USP47: variants seen among roughly 807,000 people sequenced by gnomAD.
USP47 encodes the protein ubiquitin carboxyl-terminal hydrolase 47.
A neutral mutation model predicts 165.1 loss-of-function variants in USP47; 35 were observed. The observed-to-expected ratio is 0.21, with a 90% CI of 0.16 to 0.28. The LOEUF is 0.28. Among genes scored for constraint, USP47 ranks in the 10% least tolerant of loss-of-function variants. The pLI is 1.00. For missense variants in USP47, 1,277 were observed against 1,607.4 expected (o/e 0.79, Z 3.52); for synonymous variants, 531 against 544.5 (o/e 0.98, Z 0.35).
In USP47 at chr11:11,933,875, A is replaced by C; in HGVS notation, c.1809A>C (p.Glu603Asp). Residue 603 changes from glutamate (E) to aspartate (D), a missense_variant, in exon 16 of 28, where the codon GAA becomes GAC. Physicochemically the swap from Glu to Asp is conservative, Grantham distance 45. This residue lies in a region of USP47 where 909 missense variants were observed against 1,068.1 expected (regional missense o/e 0.85). Coordinates refer to ENST00000527733, the MANE Select transcript of USP47 (RefSeq NM_001282659.2). The part of the protein sequence containing the change: ...CLHPTKQVMM[E>D]NKLEVHKDKT... ...ATCCTACAAAACAAGTAATGATGGA[A>C]AATAAATTGGAGGTTCATAAGGATA... 1 of 1,610,230 alleles carries C rather than the reference A, an allele frequency of 6.2e-7. No individual in the cohort carries two copies. Among genetic ancestry groups the C allele is most frequent in the Non-Finnish European group, 8.5e-7 (1 of 1,177,464 alleles).
At chr11:11,892,175 C>G (rs1196682604) in intron 4 of USP47, 69 bp downstream of exon 4, 1 of 1,488,870 alleles carries the variant, frequency 6.7e-7, no homozygotes, top group African/African-American at 1.4e-5. Context: ...GATTTGAAGC[C>G]TAATCCTCTT....
At chr11:11,925,398 C>T (rs189207474) in intron 11 of USP47, among the ~76,000 whole-genome samples, 4 of 152,240 alleles carry the variant, frequency 2.6e-5, no homozygotes, top group Admixed American at 6.5e-5. Flanking sequence ...CCACCGCACC[C>T]GGCCTCCTTA....
chr11:11,901,011 G>GC (rs1452028499), intron 5 of USP47, among the ~76,000 whole-genome samples: 2 of 152,196 alleles, frequency 1.3e-5, no homozygotes, highest in Non-Finnish European at 2.9e-5. Context: ...AAAAAAGGGA[G>GC]CTGGGGATTG....
intron 22 of USP47, chr11:11,949,088 A>G (rs561894930): frequency 1.3e-5 from 2 of 152,572 alleles, no homozygotes; most frequent in Non-Finnish European, 2.9e-5. Flanking sequence ...TACAAGCACT[A>G]TTTCTTATTC....
chr11:11,907,149 A>G (rs571581630), intron 8 of USP47, among the ~76,000 whole-genome samples: 1 of 152,186 alleles, frequency 6.6e-6, no homozygotes, highest in South Asian at 2.1e-4. Flanking sequence ...TCTTAAGTAT[A>G]TTAATAGACA....
intron 1 of USP47, among the ~76,000 whole-genome samples, chr11:11,846,583 G>A (rs1848440235): frequency 6.6e-6 from 1 of 151,942 alleles, no homozygotes; most frequent in South Asian, 2.1e-4. Context: ...GGCATCTAAT[G>A]ATGATGATGA....
intron 1 of USP47, among the ~76,000 whole-genome samples, chr11:11,875,029 CTTA>C (rs1018150167): frequency 4.7e-5 from 6 of 128,280 alleles, no homozygotes; most frequent in Non-Finnish European, 8.2e-5. Context: ...AGAAAATTGA[CTTA>C]TTGTGTGTGT....
rs566173696 is a variant in USP47 at position 11,896,320 on chromosome 11, AAGGATGATAGT to A, written c.497-1274_497-1264del. On this transcript the variant is annotated intron_variant, in intron 4 of 27. Coordinates refer to ENST00000527733, the MANE Select transcript of USP47 (RefSeq NM_001282659.2). ...TACATGATTGATGTGTATGTACACA[AAGGATGATAGT>A]AGTATTCATTTACCTTGTAAGGCTC... Among the ~76,000 whole-genome samples the A allele has an allele frequency of 2.3e-3, 353 of 152,326 alleles. 1 individual carries two copies. Among genetic ancestry groups the A allele is most frequent in the Middle Eastern group, 6.8e-3 (2 of 294 alleles).
intron 1 of USP47, among the ~76,000 whole-genome samples, chr11:11,861,354 T>G (rs947590817): frequency 5.3e-5 from 8 of 152,124 alleles, no homozygotes; most frequent in African/African-American, 1.9e-4. Flanking sequence ...CCTTGGCCTC[T>G]GAAAGTGCTG....
intron 7 of USP47, 65 bp from the exon 8 acceptor site, chr11:11,905,334 G>T: frequency 8.0e-7 from 1 of 1,243,388 alleles, no homozygotes; most frequent in South Asian, 2.0e-5. Context: ...AAAAAGTGTA[G>T]AATGTTACAT....
chr11:11,893,100 T>G (rs1851645060), intron 4 of USP47, among the ~76,000 whole-genome samples: 1 of 152,188 alleles, frequency 6.6e-6, no homozygotes, highest in South Asian at 2.1e-4. Flanking sequence ...TTTTTAATTT[T>G]TTCACTTTAT....
At position 11,949,963 on chromosome 11, in the gene USP47, T is replaced by G. The variant is rs1169591675; in HGVS notation, c.3423T>G (p.Pro1141=). The G allele has an allele frequency of 6.2e-7, 1 of 1,612,890 alleles. No homozygotes were observed. Among genetic ancestry groups the G allele is most frequent in the Non-Finnish European group, 8.5e-7 (1 of 1,179,334 alleles). ...GGCAATCAAAAGAGGAATTAATTCC[T>G]CAGCTCAGGGAGCAATGTGGTTTAG... ...TVRQSKEELI[P]QLREQCGLEL... Residue 1141 remains proline, a synonymous_variant, in exon 23 of 28, where the codon CCT becomes CCG. Coordinates refer to ENST00000527733, the MANE Select transcript of USP47 (RefSeq NM_001282659.2).
intron 7 of USP47, 65 bp downstream of exon 7, chr11:11,903,407 T>C: frequency 6.8e-7 from 1 of 1,466,394 alleles, no homozygotes; most frequent in Non-Finnish European, 9.4e-7. Flanking sequence ...CCTAAATGAC[T>C]TTTATTCTGT....
chr11:11,892,195 A>G, intron 4 of USP47, 89 bp downstream of exon 4: 2 of 1,408,164 alleles, frequency 1.4e-6, no homozygotes, highest in African/African-American at 1.4e-5. Flanking sequence ...TATTTTATGG[A>G]TAAGAAAACT....
At chr11:11,859,712 A>C (rs560610006) in intron 1 of USP47, among the ~76,000 whole-genome samples, 1 of 152,210 alleles carries the variant, frequency 6.6e-6, no homozygotes, top group African/African-American at 2.4e-5. Context: ...ATGTATTTTA[A>C]GGGTAGTAAC....
chr11:11,920,502 TTTG>T lies in USP47; in HGVS notation c.1218+11_1218+13del, dbSNP rs1318306394. Reference sequence around the variant, plus strand: ...ATTGATGTTGAAGATGAGGTAAATATTTGTTATTTTAAAGTATTTTTCATTAAT... The same window carrying T: ...ATTGATGTTGAAGATGAGGTAAATATTTATTTTAAAGTATTTTTCATTAAT... On this transcript the variant is annotated intron_variant, in intron 10 of 27. Coordinates refer to ENST00000527733, the MANE Select transcript of USP47 (RefSeq NM_001282659.2). 6.3e-7 allele frequency: 1 copy of T among 1,592,392 alleles called. No homozygotes were observed. Among genetic ancestry groups the T allele is most frequent in the South Asian group, 1.2e-5 (1 of 86,548 alleles).
chr11:11,842,039 T>C lies in USP47; in HGVS notation c.-147T>C, dbSNP rs1590206180. On this transcript the variant is annotated 5_prime_UTR_variant, in exon 1 of 28. Transcript: ENST00000527733. ...CTGGGTCGGTGTCTGCGCGCTGGTG[T>C]CTGAGGCCCAGGCTGAGGCCTCCGC... 2.0e-6 allele frequency: 2 copies of C among 977,754 alleles called. No homozygotes were observed. Among genetic ancestry groups the C allele is most frequent in the East Asian group, 5.7e-5 (2 of 35,212 alleles). The allele number at this position is 977,754 out of a possible 1,614,324, so 60.6% of individuals were successfully genotyped here.
At chr11:11,892,711 G>T (rs1851609882) in intron 4 of USP47, among the ~76,000 whole-genome samples, 1 of 151,228 alleles carries the variant, frequency 6.6e-6, no homozygotes, top group Non-Finnish European at 1.5e-5. Context: ...AGCTCCTCAG[G>T]AGGCTTAGGT....
chr11:11,880,175 A>T lies in USP47; in HGVS notation c.40-2A>T. 1 of 1,468,068 alleles carries T rather than the reference A, an allele frequency of 6.8e-7. No individual in the cohort carries two copies. The highest frequency in any genetic ancestry group is 1.5e-5 in the African/African-American group (1 of 68,224). 90.9% of individuals were successfully genotyped at this position (1,468,068 alleles called of 1,614,324 possible). Reference sequence around the variant, plus strand: ...AAAGTCATATTTTTCTTAAAATTTCAGATAGAAAATGCTGCTGAAGAACCT... The same window carrying T: ...AAAGTCATATTTTTCTTAAAATTTCTGATAGAAAATGCTGCTGAAGAACCT... On this transcript the variant is annotated splice_acceptor_variant, in intron 1 of 27. Transcript: ENST00000527733. LOFTEE classifies it high-confidence loss of function.
Sources: gnomAD v4.1 joint callset for allele counts (sites outside exome capture counted in the v4.1 genomes callset) on GRCh38, gnomAD v4.1.1 for gene constraint, gnomAD v4.1.1 regional missense constraint, MANE v1.5 for transcripts, NCBI Gene and HGNC (gene_info 2026-07-23, HGNC 2026-07-21) for gene names.